Variants in ARPP21 observed in about 807,000 individuals in gnomAD.
ARPP21 encodes cAMP regulated phosphoprotein 21.
ARPP21 carries 69 observed loss-of-function variants against 113.2 expected under a neutral mutation model. The ratio of observed to expected loss-of-function variants is 0.61; its 90% CI spans 0.50 to 0.74. The LOEUF (loss-of-function observed/expected upper bound fraction) is 0.74. Ranked by LOEUF, ARPP21 falls within the 30% of genes least tolerant of loss-of-function variation. The probability of loss-of-function intolerance (pLI) is 0.00; values close to 1 mark genes in which losing one functional copy is unlikely to be tolerated. For synonymous variants in ARPP21, 368 were observed against 375.5 expected, an observed-to-expected ratio of 0.98 and a Z score of 0.23; for missense variants, 1,070 against 1,037.4, an observed-to-expected ratio of 1.03 and a Z score of -0.43.
At chr3:35,692,522 A>G (rs1044108705) in intron 9 of ARPP21, among the ~76,000 whole-genome samples, 1 of 151,692 alleles carries the variant, frequency 6.6e-6, no homozygotes, top group African/African-American at 2.4e-5. Flanking sequence ...CATAGCAAAC[A>G]TGGAAAACTC....
At chr3:35,674,321 A>G (rs1383218729) in intron 1 of ARPP21, among the ~76,000 whole-genome samples, 1 of 151,992 alleles carries the variant, frequency 6.6e-6, no homozygotes, top group Non-Finnish European at 1.5e-5. Flanking sequence ...GAAAAGTTAT[A>G]TGGTATCGTT....
intron 18 of ARPP21, among the ~76,000 whole-genome samples, chr3:35,740,817 G>A (rs1035616008): frequency 2.0e-5 from 3 of 152,086 alleles, no homozygotes; most frequent in South Asian, 2.1e-4. Context: ...TGAAAAATTA[G>A]CCAGGCTTAG....
At chr3:35,728,295 T>C (rs2093688455) in intron 14 of ARPP21, among the ~76,000 whole-genome samples, 1 of 143,806 alleles carries the variant, frequency 7.0e-6, no homozygotes, top group African/African-American at 2.6e-5. Flanking sequence ...CTCGGCTCAC[T>C]GCAACCTCCA....
intron 9 of ARPP21, among the ~76,000 whole-genome samples, chr3:35,697,108 T>G (rs2084360601): frequency 6.6e-6 from 1 of 151,604 alleles, no homozygotes; most frequent in Non-Finnish European, 1.5e-5. Flanking sequence ...TTTGCATATG[T>G]CAGAGCAACT....
At chr3:35,767,638 T>C (rs1055013992) in intron 19 of ARPP21, among the ~76,000 whole-genome samples, 1 of 152,202 alleles carries the variant, frequency 6.6e-6, no homozygotes, top group Non-Finnish European at 1.5e-5. Flanking sequence ...TTGAATTAGC[T>C]TTAATTCTGT....
chr3:35,684,841 T>C, intron 5 of ARPP21: 1 of 980,194 alleles, frequency 1.0e-6, no homozygotes, highest in Non-Finnish European at 1.2e-6. Context: ...GCCACTCATG[T>C]CATAAGGCAT....
intron 1 of ARPP21, among the ~76,000 whole-genome samples, chr3:35,667,880 G>GAAT (rs56854190): frequency 7.3e-6 from 1 of 136,810 alleles, no homozygotes; most frequent in African/African-American, 3.2e-5. Flanking sequence ...AGAAGAAGAA[G>GAAT]AAGAAGAAGA....
Position 35,755,414 on chromosome 3 carries a change from T to C in ARPP21, c.2137+11449T>C, listed in dbSNP as rs1417003579. ...CAACTCTCTTTATACTCTTTTTTTC[T>C]TTTTATATTAAATAAAATTTGCACT... On this transcript the variant is annotated intron_variant, in intron 19 of 20. Coordinates refer to ENST00000684406, the MANE Select transcript of ARPP21 (RefSeq NM_001385562.1). Among the ~76,000 whole-genome samples, 4 of 152,100 alleles carry C rather than the reference T, an allele frequency of 2.6e-5. No homozygotes were observed. In the South Asian group the frequency reaches 6.2e-4, roughly 24 times the overall value.
intron 19 of ARPP21, among the ~76,000 whole-genome samples, chr3:35,778,123 C>T (rs570067955): frequency 1.8e-4 from 27 of 152,126 alleles, no homozygotes; most frequent in Non-Finnish European, 2.6e-4. Context: ...CCACTAAAAG[C>T]GTTGTTCATC....
rs2082567304 is a variant in ARPP21 at position 35,692,601 on chromosome 3, A to T, written c.686+1596A>T. ...GACAGTAGATTTATTTTTAACTTAC[A>T]CCAATTTTGCAATCACATAGTCATA... On this transcript the variant is annotated intron_variant, in intron 9 of 20. Coordinates refer to ENST00000684406, the MANE Select transcript of ARPP21 (RefSeq NM_001385562.1). Among the ~76,000 whole-genome samples, 4 of 151,756 alleles carry T rather than the reference A, an allele frequency of 2.6e-5. No individual in the cohort carries two copies. In the South Asian group the frequency reaches 8.3e-4, roughly 31 times the overall value.
At chr3:35,742,035 A>G (rs1164877256) in intron 18 of ARPP21, among the ~76,000 whole-genome samples, 1 of 152,162 alleles carries the variant, frequency 6.6e-6, no homozygotes, top group Non-Finnish European at 1.5e-5. Flanking sequence ...AACAACAAAA[A>G]TTGAGTTCAA....
At chr3:35,737,720 G>T (rs559685101) in intron 16 of ARPP21, among the ~76,000 whole-genome samples, 2 of 152,230 alleles carry the variant, frequency 1.3e-5, no homozygotes, top group Admixed American at 6.5e-5. Context: ...CAGATCAAAT[G>T]CTCATGTCTG....
Position 35,786,584 on chromosome 3 carries a change from C to T in ARPP21, c.2138-5798C>T, listed in dbSNP as rs541534723. ...TAGATTACATAAATTGGGAGGTTGGCATATAGGCAAAAGAAAGAGTCACAC... is the reference window on the plus strand; with the variant it reads ...TAGATTACATAAATTGGGAGGTTGGTATATAGGCAAAAGAAAGAGTCACAC... On this transcript the variant is annotated intron_variant, in intron 19 of 20. Coordinates refer to ENST00000684406, the MANE Select transcript of ARPP21 (RefSeq NM_001385562.1). Among the ~76,000 whole-genome samples, 3 of 151,442 alleles carry T rather than the reference C, an allele frequency of 2.0e-5. No individual in the cohort carries two copies. In the East Asian group the frequency reaches 5.8e-4, roughly 29 times the overall value.
rs1358386274 is a variant in ARPP21, at chr3:35,690,950, A to C, written c.631A>C (p.Asn211His). 6.2e-7 allele frequency: 1 copy of C among 1,610,958 alleles called. No individual in the cohort carries two copies. Among genetic ancestry groups the C allele is most frequent in the Non-Finnish European group, 8.5e-7 (1 of 1,177,990 alleles). ...GGCAGCTTATTTTGGATTGGATCACAATGTGGATCAAACAGGAAAATCTGT... is the reference window on the plus strand; with the variant it reads ...GGCAGCTTATTTTGGATTGGATCACCATGTGGATCAAACAGGAAAATCTGT... The part of the protein sequence containing the change: ...RVAAYFGLDH[N>H]VDQTGKSVII... The change falls in exon 9 of 21, where the codon AAT (asparagine) becomes CAT (histidine). Residue 211 changes from asparagine to histidine, a missense_variant. Coordinates refer to ENST00000684406, the MANE Select transcript of ARPP21 (RefSeq NM_001385562.1).
intron 1 of ARPP21, among the ~76,000 whole-genome samples, chr3:35,674,727 A>G: frequency 6.6e-6 from 1 of 151,874 alleles, no homozygotes; most frequent in Non-Finnish European, 1.5e-5. Context: ...GGAGAAGCTG[A>G]GCATAATATT....
At chr3:35,754,817 G>A (rs1039635677) in intron 19 of ARPP21, among the ~76,000 whole-genome samples, 2 of 151,924 alleles carry the variant, frequency 1.3e-5, no homozygotes, top group African/African-American at 4.8e-5. Flanking sequence ...CATTTGTTAT[G>A]CAGTTAAGAA....
chr3:35,735,404 T>G (rs1324985180), intron 15 of ARPP21, among the ~76,000 whole-genome samples: 1 of 152,188 alleles, frequency 6.6e-6, no homozygotes, highest in African/African-American at 2.4e-5. Context: ...TGAGCCACCA[T>G]GCCTGTCCCT....
intron 19 of ARPP21, among the ~76,000 whole-genome samples, chr3:35,776,838 C>T (rs2096384512): frequency 6.6e-6 from 1 of 152,078 alleles, no homozygotes; most frequent in Admixed American, 6.5e-5. Context: ...GCCCAAGTGC[C>T]TTTCTAGGTG....
chr3:35,757,208 G>A (rs990145625), intron 19 of ARPP21, among the ~76,000 whole-genome samples: 7 of 149,884 alleles, frequency 4.7e-5, no homozygotes, highest in East Asian at 2.0e-4. Flanking sequence ...ACAAGCACCC[G>A]CCACCACATC....
Sources: allele counts gnomAD v4.1 joint callset (sites outside exome capture counted in the v4.1 genomes callset), GRCh38; gene constraint gnomAD v4.1.1; transcripts MANE v1.5; gene names NCBI Gene and HGNC (gene_info 2026-07-23, HGNC 2026-07-21).